The following ZC3H13 variants were observed in gnomAD, a reference collection of about 807,000 sequenced individuals.
ZC3H13 encodes zinc finger CCCH domain-containing protein 13.
A neutral mutation model predicts 204.1 loss-of-function variants in ZC3H13; 64 were observed. The ratio of observed to expected loss-of-function variants is 0.31; its 90% CI spans 0.26 to 0.39. The LOEUF is 0.39. ZC3H13 is among the 10% of genes least tolerant of loss of function. The pLI, the probability that ZC3H13 is intolerant of heterozygous loss-of-function variation, is 1.00. For missense variants in ZC3H13, 1,833 were observed against 2,082.7 expected (o/e 0.88, Z 2.33); for synonymous variants, 667 against 693.7 (o/e 0.96, Z 0.60).
At chr13:45,996,172 A>G (rs1320757520) in intron 8 of ZC3H13, among the ~76,000 whole-genome samples, 1 of 152,222 alleles carries the variant, frequency 6.6e-6, no homozygotes, top group African/African-American at 2.4e-5. Flanking sequence ...TTAGCATGGG[A>G]AACTATAAAG....
At chr13:46,030,127 T>G (rs778779808) in intron 4 of ZC3H13, among the ~76,000 whole-genome samples, 11 of 152,042 alleles carry the variant, frequency 7.2e-5, no homozygotes, top group Non-Finnish European at 1.0e-4. Context: ...CAAAGAAAAC[T>G]CACATGATTA....
rs1316514876 is a variant in ZC3H13, at chr13:45,968,034, A to C, written c.3797-6T>G. The C allele has an allele frequency of 6.4e-7, 1 of 1,570,600 alleles. No individual in the cohort carries two copies. The highest frequency in any genetic ancestry group is 8.6e-7 in the Non-Finnish European group (1 of 1,163,628). On this transcript the variant is annotated splice_region_variant and splice_polypyrimidine_tract_variant and intron_variant, in intron 14 of 18. Transcript: ENST00000679008. ...GCTTCTTGAATCCTGGCGATCTAAA[A>C]TAAATATACCATATATAAAGAGTTA...
chr13:45,983,944 T>C (rs1953940291), intron 10 of ZC3H13, among the ~76,000 whole-genome samples: 1 of 152,066 alleles, frequency 6.6e-6, no homozygotes, highest in Non-Finnish European at 1.5e-5. Context: ...CATTAGAAAA[T>C]GCAATGTTTT....
chr13:45,992,155 A>G (rs2040011545), intron 8 of ZC3H13, among the ~76,000 whole-genome samples: 1 of 152,196 alleles, frequency 6.6e-6, no homozygotes, highest in African/African-American at 2.4e-5. Flanking sequence ...CTCTGTTTTC[A>G]GTGATAAAAT....
intron 3 of ZC3H13, among the ~76,000 whole-genome samples, chr13:46,043,396 C>A (rs961114835): frequency 6.6e-6 from 1 of 151,882 alleles, no homozygotes; most frequent in Non-Finnish European, 1.5e-5. Context: ...AAACTGGAAT[C>A]TCTTACTAAG....
intron 3 of ZC3H13, among the ~76,000 whole-genome samples, chr13:46,042,480 A>T (rs571061011): frequency 6.6e-6 from 1 of 152,240 alleles, no homozygotes. Context: ...CAACACTTAC[A>T]GTTTTTCTCC....
chr13:46,008,759 ACT>A (rs945840743), intron 7 of ZC3H13, among the ~76,000 whole-genome samples: 59 of 152,202 alleles, frequency 3.9e-4, no homozygotes, highest in African/African-American at 1.4e-3. Context: ...GGAGCGTATC[ACT>A]CTCTGTTCAT....
At chr13:46,038,041 A>C (rs2043317467) in intron 4 of ZC3H13, among the ~76,000 whole-genome samples, 2 of 152,198 alleles carry the variant, frequency 1.3e-5, no homozygotes, top group Non-Finnish European at 2.9e-5. Flanking sequence ...AAGTGAACTT[A>C]CTAGTTCCAG....
At chr13:46,020,606 T>C in intron 4 of ZC3H13, 49 bp from the exon 5 acceptor site, 1 of 1,232,668 alleles carries the variant, frequency 8.1e-7, no homozygotes, top group South Asian at 1.4e-5. Flanking sequence ...TTAAAAATTA[T>C]GAGGTAGTTT....
At chr13:46,025,235 C>T (rs1051951153) in intron 4 of ZC3H13, among the ~76,000 whole-genome samples, 3 of 152,118 alleles carry the variant, frequency 2.0e-5, no homozygotes, top group African/African-American at 4.8e-5. Flanking sequence ...CAATGTTTTA[C>T]GCAAAACTTT....
chr13:45,963,447 G>C (rs1360234382), intron 17 of ZC3H13: 1 of 989,998 alleles, frequency 1.0e-6, no homozygotes, highest in Non-Finnish European at 1.2e-6. Flanking sequence ...TTTGAGACAG[G>C]GTCTTGCTCT....
chr13:45,970,071 G>T, intron 13 of ZC3H13, 100 bp from the exon 14 acceptor site: 1 of 1,426,268 alleles, frequency 7.0e-7, no homozygotes, highest in Non-Finnish European at 9.3e-7. Flanking sequence ...GTAATCCCAG[G>T]ACTTTGGGAG....
chr13:46,044,754 C>A (rs1308527466), intron 3 of ZC3H13, among the ~76,000 whole-genome samples: 1 of 151,916 alleles, frequency 6.6e-6, no homozygotes, highest in Non-Finnish European at 1.5e-5. Flanking sequence ...AAATAATGAA[C>A]AAATAAGTTA....
intron 4 of ZC3H13, among the ~76,000 whole-genome samples, chr13:46,021,485 T>C (rs1283970259): frequency 2.0e-5 from 3 of 150,776 alleles, no homozygotes; most frequent in Non-Finnish European, 4.4e-5. Flanking sequence ...GTGCTCAAAT[T>C]TCTTTCTGAG....
chr13:45,997,253 C>A (rs922461257), intron 8 of ZC3H13, among the ~76,000 whole-genome samples: 2 of 152,158 alleles, frequency 1.3e-5, no homozygotes, highest in African/African-American at 4.8e-5. Flanking sequence ...GATAGAATTT[C>A]GTATTAAACT....
chr13:45,976,967 ATTATC>A (rs1210061523), intron 11 of ZC3H13, among the ~76,000 whole-genome samples: 1 of 152,150 alleles, frequency 6.6e-6, no homozygotes, highest in Non-Finnish European at 1.5e-5. Context: ...AAAGACAAGA[ATTATC>A]TTATCTTTAC....
intron 4 of ZC3H13, among the ~76,000 whole-genome samples, chr13:46,032,771 A>C (rs2042978785): frequency 6.6e-6 from 1 of 152,208 alleles, no homozygotes; most frequent in African/African-American, 2.4e-5. Flanking sequence ...GACTGGTTGA[A>C]TAATGTACCA....
At chr13:45,996,318 A>T (rs1248806352) in intron 8 of ZC3H13, among the ~76,000 whole-genome samples, 1 of 152,180 alleles carries the variant, frequency 6.6e-6, no homozygotes, top group Non-Finnish European at 1.5e-5. Context: ...CCCTTCAAAA[A>T]TTATCTTTCT....
At chr13:45,991,964 G>C (rs1290563020) in intron 8 of ZC3H13, among the ~76,000 whole-genome samples, 1 of 152,074 alleles carries the variant, frequency 6.6e-6, no homozygotes, top group Non-Finnish European at 1.5e-5. Flanking sequence ...AAACTAATAG[G>C]TTTACCCCAG....
Sources: gnomAD v4.1 joint callset for allele counts (sites outside exome capture counted in the v4.1 genomes callset) on GRCh38, gnomAD v4.1.1 for gene constraint, MANE v1.5 for transcripts, NCBI Gene and HGNC (gene_info 2026-07-23, HGNC 2026-07-21) for gene names.